KRT40: variants seen among roughly 807,000 people sequenced by gnomAD.
The protein encoded by KRT40 is keratin, type I cytoskeletal 40.
In KRT40, 47 loss-of-function variants were observed where a neutral mutation model predicts 43.5. That is an observed-to-expected ratio of 1.08 (90% CI 0.86 to 1.38). The LOEUF (loss-of-function observed/expected upper bound fraction) is 1.38, where lower values mean the gene tolerates loss of function less well. KRT40 is among the 40% of genes most tolerant of loss of function. The pLI is 0.00. For synonymous variants in KRT40, 212 were observed against 214.0 expected (o/e 0.99, Z 0.08); for missense variants, 573 against 523.6 (o/e 1.09, Z -0.92).
Position 40,980,883 on chromosome 17 carries a change from A to G in KRT40, c.877T>C (p.Ser293Pro), listed in dbSNP as rs771338542. ...CAGCCCTGCAGCTGCTCCGCGCTGG[A>G]CAGTTGCTGCTGATTCAGCTCTTCT... ...QTEELNQQQL[S>P]SAEQLQGCQM... Residue 293 changes from serine (S) to proline (P), a missense_variant, in exon 5 of 7, where the codon TCC (serine) becomes CCC (proline). Ser to Pro is a moderately conservative substitution (Grantham distance 74). Coordinates refer to ENST00000377755, the MANE Select transcript of KRT40 (RefSeq NM_001389244.1). 6.8e-6 allele frequency: 11 copies of G among 1,613,954 alleles called. No individual in the cohort carries two copies. Among genetic ancestry groups the G allele is most frequent in the South Asian group, 5.5e-5 (5 of 91,074 alleles).
intron 2 of KRT40, 38 bp downstream of exon 2, chr17:40,983,008 C>A (rs754548610): frequency 1.1e-6 from 1 of 885,978 alleles, no homozygotes; most frequent in South Asian, 1.5e-5. Flanking sequence ...AACTCCATCT[C>A]AAAATAAATA....
rs978718009 is a variant in KRT40, at chr17:40,980,740, C to G, written c.975+45G>C. 7 of 1,541,060 alleles carry G rather than the reference C, an allele frequency of 4.5e-6. No individual in the cohort carries two copies. In the South Asian group the frequency reaches 8.7e-5, roughly 19 times the overall value. On this transcript the variant is annotated intron_variant, in intron 5 of 6. Transcript: ENST00000377755. ...GGAAGAGGGCTTAACATCTCAGGGC[C>G]TGACTTATCAGTGACACAACGGACA...
Position 40,978,128 on chromosome 17 carries a change from C to G in KRT40, c.*69G>C. 8.3e-7 allele frequency: 1 copy of G among 1,200,178 alleles called. No homozygotes were observed. The highest frequency in any genetic ancestry group is 1.7e-5 in the Admixed American group (1 of 58,668). The allele number at this position is 1,200,178 out of a possible 1,614,324, so 74.3% of individuals were successfully genotyped here. On this transcript the variant is annotated 3_prime_UTR_variant, in exon 7 of 7. Transcript: ENST00000377755. ...ATTTGTGCTTCCGGTTTGGATGTCCCTGGTTGAAGCCCCATCTCCTTTCTA... is the reference window on the plus strand; with the variant it reads ...ATTTGTGCTTCCGGTTTGGATGTCCGTGGTTGAAGCCCCATCTCCTTTCTA...
chr17:40,978,401 A>G (rs1186259976), intron 6 of KRT40, 105 bp from the exon 7 acceptor site: 1 of 890,238 alleles, frequency 1.1e-6, no homozygotes, highest in Non-Finnish European at 1.8e-6. Context: ...TGTTCTGAAA[A>G]AAACTCTGCA....
In KRT40 at chr17:40,982,353, T is replaced by A. The variant is rs766608653; in HGVS notation, c.641A>T (p.Glu214Val). The change falls in exon 3 of 7, where the codon GAG becomes GTG. Residue 214 changes from glutamate to valine, a missense_variant. Transcript: ENST00000377755. ...LCKSDLEAHVESLKEDLLCLK... is the reference protein window; with the variant it reads ...LCKSDLEAHVVSLKEDLLCLK... ...GCAAAGGAGATCTTCCTTCAGAGAC[T>A]CCACATGGGCCTCCAGATCAGATTT... 7 of 1,604,850 alleles carry A rather than the reference T, an allele frequency of 4.4e-6. No individual in the cohort carries two copies. The highest frequency in any genetic ancestry group is 6.0e-6 in the Non-Finnish European group (7 of 1,176,136).
In KRT40 at chr17:40,982,420, T is replaced by C. The variant is rs752146368; in HGVS notation, c.574A>G (p.Ile192Val). The C allele has an allele frequency of 5.0e-6, 8 of 1,608,926 alleles. No homozygotes were observed. The African/African-American group carries it at 8.0e-5, about 16-fold the overall frequency. ...LSLRQLLEAD[I>V]SSLHGILEEL... ...TCCAGGATCCCATGCAGGCTGCTGA[T>C]GTCAGCCTCTAACAGCTGGCGAAGG... Residue 192 changes from isoleucine to valine, a missense_variant, in exon 3 of 7, where the codon ATC (isoleucine) becomes GTC (valine). By Grantham distance (29) the Ile-to-Val change is conservative (BLOSUM62 3). Coordinates refer to ENST00000377755, the MANE Select transcript of KRT40 (RefSeq NM_001389244.1).
upstream of KRT40, chr17:40,984,375 T>C: frequency 1.2e-6 from 1 of 801,520 alleles, no homozygotes; most frequent in Admixed American, 2.7e-5. Flanking sequence ...AATGGGTGTT[T>C]ACAGACTGCA....
Position 40,978,814 on chromosome 17 carries a change from C to T in KRT40, c.1186G>A (p.Glu396Lys), listed in dbSNP as rs189066032. 1,906 of 1,611,482 alleles carry T rather than the reference C, an allele frequency of 1.2e-3. 3 individuals are homozygous for T. The highest frequency in any genetic ancestry group is 1.5e-3 in the Non-Finnish European group (1,725 of 1,179,186). Residue 396 changes from glutamate to lysine, a missense_variant, in exon 6 of 7, where the codon GAG becomes AAG. Transcript: ENST00000377755. Reference sequence around the variant, plus strand: ...AACTGTGGAACTTGCCTGCTGTCCTCGCTGTCCAGCAGGCCCCAGTACGTG... The same window carrying T: ...AACTGTGGAACTTGCCTGCTGTCCTTGCTGTCCAGCAGGCCCCAGTACGTG... ...INTYWGLLDS[E>K]DSRLSCSPCS...
At chr17:40,982,214 T>G in intron 3 of KRT40, 93 bp downstream of exon 3, 1 of 1,227,870 alleles carries the variant, frequency 8.1e-7, no homozygotes, top group Non-Finnish European at 1.1e-6. Context: ...AAACAACATC[T>G]GCCCAAATTC....
rs768826478 is a variant in KRT40, at chr17:40,980,781, G to A, written c.975+4C>T. 1.8e-5 allele frequency: 28 copies of A among 1,591,774 alleles called. No individual in the cohort carries two copies. The highest frequency in any genetic ancestry group is 2.3e-5 in the South Asian group (2 of 88,058). Reference sequence around the variant, plus strand: ...ACAACGGACACTGCCTTTGCCTCACGCACCAGGCTTTGCTGTGCTTGGAGC... The same window carrying A: ...ACAACGGACACTGCCTTTGCCTCACACACCAGGCTTTGCTGTGCTTGGAGC... On this transcript the variant is annotated splice_donor_region_variant and intron_variant, in intron 5 of 6. Coordinates refer to ENST00000377755, the MANE Select transcript of KRT40 (RefSeq NM_001389244.1).
Position 40,978,845 on chromosome 17 carries a change from C to T in KRT40, c.1155G>A (p.Glu385=). 1 of 1,613,226 alleles carries T rather than the reference C, an allele frequency of 6.2e-7. No homozygotes were observed. The change falls in exon 6 of 7, where the codon GAG becomes GAA. Residue 385 remains glutamate, a synonymous_variant. Coordinates refer to ENST00000377755, the MANE Select transcript of KRT40 (RefSeq NM_001389244.1). ...LLDVKARLEG[E]INTYWGLLDS... ...CCAGCAGGCCCCAGTACGTGTTGAT[C>T]TCACCCTCCAGCCGGGCCTTCACGT...
rs562662580 is a variant in KRT40 at position 40,981,323 on chromosome 17, G to A, written c.688-172C>T. Reference sequence around the variant, plus strand: ...CACTTAGAAGGGCCTCAGTTTCTTCGTCTGTAAAATGGACATAATAATTGG... The same window carrying A: ...CACTTAGAAGGGCCTCAGTTTCTTCATCTGTAAAATGGACATAATAATTGG... On this transcript the variant is annotated intron_variant, in intron 3 of 6. Transcript: ENST00000377755. The A allele has an allele frequency of 4.0e-5, 50 of 1,256,000 alleles. 1 individual carries two copies. The highest frequency in any genetic ancestry group is 2.6e-4 in the South Asian group (20 of 78,112). The allele number at this position is 1,256,000 out of a possible 1,614,324, so 77.8% of individuals were successfully genotyped here. A position where few individuals can be genotyped will look rare whatever the true frequency, so the allele number is the denominator to read the frequency against.
intron 5 of KRT40, among the ~76,000 whole-genome samples, chr17:40,979,343 G>A (rs1316214941): frequency 3.3e-5 from 5 of 151,938 alleles, no homozygotes; most frequent in African/African-American, 9.7e-5. Context: ...GTGAAACCCC[G>A]TCTCTACTAA....
At chr17:40,982,269 C>T (rs1912204841) in intron 3 of KRT40, 38 bp downstream of exon 3, 3 of 1,483,926 alleles carry the variant, frequency 2.0e-6, no homozygotes, top group Non-Finnish European at 2.7e-6. Context: ...AAGTACGTTA[C>T]TCTCGGAGTC....
At chr17:40,983,367 A>T (rs987701462) in intron 1 of KRT40, among the ~76,000 whole-genome samples, 4 of 152,228 alleles carry the variant, frequency 2.6e-5, no homozygotes, top group Non-Finnish European at 5.9e-5. Context: ...GACATTTTGC[A>T]ACATTCTCAG....
In KRT40 at chr17:40,978,288, C is replaced by T. The variant is rs1334794237; in HGVS notation, c.1205G>A (p.Cys402Tyr). 2 of 1,613,562 alleles carry T rather than the reference C, an allele frequency of 1.2e-6. No homozygotes were observed. Among genetic ancestry groups the T allele is most frequent in the Non-Finnish European group, 1.7e-6 (2 of 1,179,630 alleles). ...GGTGCATGTGGTCGAACATGGGCTA[C>T]AGGAAAGCCTGGGGAAAAATCGATT... ...LLDSEDSRLSCSPCSTTCTSS... is the reference protein window; with the variant it reads ...LLDSEDSRLSYSPCSTTCTSS... The change falls in exon 7 of 7, where the codon TGT becomes TAT. Residue 402 changes from cysteine to tyrosine, a missense_variant. Transcript: ENST00000377755.
At position 40,984,206 on chromosome 17, in the gene KRT40, G is replaced by C. The variant is rs765167339; in HGVS notation, c.68C>G (p.Pro23Arg). Residue 23 changes from proline to arginine, a missense_variant, in exon 1 of 7, where the codon CCT becomes CGT. Pro to Arg is a moderately radical substitution (Grantham distance 103). Coordinates refer to ENST00000377755, the MANE Select transcript of KRT40 (RefSeq NM_001389244.1). ...ESCGTASGCA[P>R]ASSCSVETAC... Reference sequence around the variant, plus strand: ...TGTTTCCACGGAGCAGCTTGAGGCAGGTGCACAACCGGAAGCCGTGCCACA... The same window carrying C: ...TGTTTCCACGGAGCAGCTTGAGGCACGTGCACAACCGGAAGCCGTGCCACA... 1.3e-5 allele frequency: 21 copies of C among 1,614,054 alleles called. No homozygotes were observed. In the East Asian group the frequency reaches 2.5e-4, roughly 19 times the overall value.
intron 2 of KRT40, among the ~76,000 whole-genome samples, chr17:40,982,807 C>T (rs1912253502): frequency 6.6e-6 from 1 of 152,064 alleles, no homozygotes; most frequent in Admixed American, 6.5e-5. Flanking sequence ...AGTTCGAGAC[C>T]AACCTGGCCC....
intron 5 of KRT40, among the ~76,000 whole-genome samples, 164 bp from the exon 6 acceptor site, chr17:40,979,188 G>A (rs1376730247): frequency 6.6e-6 from 1 of 152,286 alleles, no homozygotes; most frequent in East Asian, 1.9e-4. Context: ...AGAATACAAA[G>A]TATCTGTTTC....
Sources: gnomAD v4.1 joint callset for allele counts (sites outside exome capture counted in the v4.1 genomes callset) on GRCh38, gnomAD v4.1.1 for gene constraint, MANE v1.5 for transcripts, NCBI Gene and HGNC (gene_info 2026-07-23, HGNC 2026-07-21) for gene names.